SAFB: variants seen among roughly 807,000 people sequenced by gnomAD.
SAFB encodes scaffold attachment factor B.
Under a neutral mutation model 101.6 loss-of-function variants are expected in SAFB, and 15 were observed. That is an observed-to-expected ratio of 0.15 (90% CI 0.10 to 0.23). The LOEUF (loss-of-function observed/expected upper bound fraction) is 0.23, where lower values mean the gene tolerates loss of function less well. Ranked by LOEUF, SAFB falls within the 10% of genes least tolerant of loss-of-function variation. SAFB has a pLI of 1.00. For missense variants in SAFB, 930 were observed against 1,104.1 expected, an observed-to-expected ratio of 0.84 and a Z score of 2.23; for synonymous variants, 449 against 407.5, an observed-to-expected ratio of 1.10 and a Z score of -1.23.
chr19:5,667,579 C>A lies in SAFB; in HGVS notation c.2557+129C>A. The A allele has an allele frequency of 1.4e-6, 1 of 731,650 alleles. No homozygotes were observed. The allele number at this position is 731,650 out of a possible 1,614,324, so 45.3% of individuals were successfully genotyped here. Reference sequence around the variant, plus strand: ...CAGTGCTGGAATGAGGAATGAAGAGCACTCCAGACACCGCCTGCTCTCTGG... The same window carrying A: ...CAGTGCTGGAATGAGGAATGAAGAGAACTCCAGACACCGCCTGCTCTCTGG... On this transcript the variant is annotated intron_variant, in intron 19 of 20. Coordinates refer to ENST00000588852, the MANE Select transcript of SAFB (RefSeq NM_001201338.2). The surrounding 1 kb of genome is among the most constrained non-coding windows in gnomAD (Gnocchi z 4.0).
At position 5,661,210 on chromosome 19, in the gene SAFB, C is replaced by T. The variant is rs567349594; in HGVS notation, c.1863-308C>T. Among the ~76,000 whole-genome samples, 44 of 152,204 alleles carry T rather than the reference C, an allele frequency of 2.9e-4. 1 individual carries two copies. The highest frequency in any genetic ancestry group is 1.0e-3 in the African/African-American group (42 of 41,550). ...TGCTGGCATTACAGATGTGAGCCACCGCGCCCGGCCTGTTGCTTATTTTTG... is the reference window on the plus strand; with the variant it reads ...TGCTGGCATTACAGATGTGAGCCACTGCGCCCGGCCTGTTGCTTATTTTTG... On this transcript the variant is annotated intron_variant, in intron 14 of 20. Transcript: ENST00000588852.
rs75289952 is a variant in SAFB, at chr19:5,649,932, C to T, written c.1155C>T (p.Pro385=). ...CATTGTCTTTTGTCTCTAGTTCTCC[C>T]GAAGATGACTCGGATACAAAAAGGC... ...SEGADQKMSS[P]EDDSDTKRLS... The change falls in exon 8 of 21, where the codon CCC becomes CCT. Residue 385 remains proline, a synonymous_variant. Coordinates refer to ENST00000588852, the MANE Select transcript of SAFB (RefSeq NM_001201338.2). 6,375 of 1,613,702 alleles carry T rather than the reference C, an allele frequency of 4.0e-3. 198 individuals carry two copies. The highest frequency in any genetic ancestry group is 0.011 in the East Asian group (486 of 44,862).
At chr19:5,666,171 A>G (rs2002985) in intron 17 of SAFB, 17,314 of 152,276 alleles carry the variant, frequency 0.11, 1,095 homozygotes, top group African/African-American at 0.17. Context: ...GAAAGAGAAA[A>G]AACAGGACTG....
At chr19:5,626,097 A>T (rs759633293) in intron 1 of SAFB, among the ~76,000 whole-genome samples, 33 of 152,206 alleles carry the variant, frequency 2.2e-4, no homozygotes, top group Non-Finnish European at 4.9e-4. Context: ...CATGGCTAGT[A>T]GAGTCCTCAC....
intron 1 of SAFB, 58 bp downstream of exon 1, chr19:5,623,452 A>G (rs1188889617): frequency 6.8e-7 from 1 of 1,474,868 alleles, no homozygotes; most frequent in Non-Finnish European, 9.2e-7. Flanking sequence ...CTTGGCCGCG[A>G]CGGTGGCTCG....
chr19:5,624,234 T>C (rs1358626615), intron 1 of SAFB, among the ~76,000 whole-genome samples: 1 of 151,178 alleles, frequency 6.6e-6, no homozygotes. Flanking sequence ...TTTTTTTTTT[T>C]TTTTCTCCTG....
At chr19:5,652,562 C>T (rs777705287) in intron 9 of SAFB, among the ~76,000 whole-genome samples, 39 of 152,112 alleles carry the variant, frequency 2.6e-4, no homozygotes, top group Non-Finnish European at 3.5e-4. Context: ...CGTCAAAGGG[C>T]GACCCTAACT....
chr19:5,632,287 C>T (rs2053506091), intron 2 of SAFB, among the ~76,000 whole-genome samples: 1 of 152,060 alleles, frequency 6.6e-6, no homozygotes, highest in South Asian at 2.1e-4. Context: ...TCCCATATAC[C>T]CTTTACCCAG....
chr19:5,651,010 A>G lies in SAFB; in HGVS notation c.1231A>G (p.Ser411Gly), dbSNP rs1271528652. Residue 411 changes from serine (S) to glycine (G), a missense_variant, in exon 9 of 21, where the codon AGT (serine) becomes GGT (glycine). Ser to Gly is a moderately conservative substitution (Grantham distance 56, BLOSUM62 0). This residue lies in a region of SAFB where 68 missense variants were observed against 122.1 expected (regional missense o/e 0.56). Transcript: ENST00000588852. ...RSSCGRNFWV[S>G]GLSSTTRATD... ...CAGTTGTGGTAGAAATTTCTGGGTT[A>G]GTGGACTCTCTTCTACAACCAGAGC... The G allele has an allele frequency of 1.2e-6, 2 of 1,608,778 alleles. No homozygotes were observed. The highest frequency in any genetic ancestry group is 2.2e-5 in the East Asian group (1 of 44,688).
chr19:5,635,118 A>G (rs766306924), intron 2 of SAFB, among the ~76,000 whole-genome samples: 1 of 152,110 alleles, frequency 6.6e-6, no homozygotes, highest in Non-Finnish European at 1.5e-5. Context: ...AGCCTGGGCA[A>G]CAAGAGCGAA....
chr19:5,655,786 A>G (rs1279513288), intron 13 of SAFB, among the ~76,000 whole-genome samples: 1 of 152,226 alleles, frequency 6.6e-6, no homozygotes, highest in East Asian at 1.9e-4. Context: ...GAAAACGGAA[A>G]AAGGAAAGTG....
Position 5,624,856 on chromosome 19 carries a change from G to C in SAFB, c.189+1462G>C, listed in dbSNP as rs2053320134. Among the ~76,000 whole-genome samples the C allele has an allele frequency of 3.3e-5, 5 of 152,132 alleles. No homozygotes were observed. In the South Asian group the frequency reaches 1.0e-3, roughly 31 times the overall value. ...GCCCACTGATCTACATATTTACCCA[G>C]AGAAAATGCAGAGAGTGGAGATTGG... is the stretch of plus-strand genomic sequence containing the variant. On this transcript the variant is annotated intron_variant, in intron 1 of 20. Coordinates refer to ENST00000588852, the MANE Select transcript of SAFB (RefSeq NM_001201338.2).
Position 5,664,092 on chromosome 19 carries a change from C to T in SAFB, c.2224C>T (p.Arg742Cys), listed in dbSNP as rs1296218646. 6.8e-6 allele frequency: 11 copies of T among 1,614,046 alleles called. No individual in the cohort carries two copies. The highest frequency in any genetic ancestry group is 1.6e-4 in the Middle Eastern group (1 of 6,062). ...LDERYHSDFN[R>C]QDRFHDFDHR... ...TGAGCGCTACCATTCTGACTTTAAC[C>T]GCCAGGACCGCTTCCACGACTTTGA... The change falls in exon 16 of 21, where the codon CGC (arginine) becomes TGC (cysteine). Residue 742 changes from arginine to cysteine, a missense_variant. By Grantham distance (180) the Arg-to-Cys change is radical (BLOSUM62 -3). Around this residue, in one of 7 missense-constraint regions of SAFB, gnomAD observed 318 missense variants for 342.6 expected, o/e 0.93. Coordinates refer to ENST00000588852, the MANE Select transcript of SAFB (RefSeq NM_001201338.2).
chr19:5,643,853 ACT>A, intron 4 of SAFB, among the ~76,000 whole-genome samples: 1 of 139,668 alleles, frequency 7.2e-6, no homozygotes, highest in Non-Finnish European at 1.6e-5. Context: ...GCAGAGTGAG[ACT>A]CTCAAAAAAA....
chr19:5,667,016 T>C lies in SAFB; in HGVS notation c.2335-30T>C. ...GGTCTGGGCGCTGACACTGAAGCTT[T>C]TTTTTCCCTTCTGGCTCTGTGATGT... On this transcript the variant is annotated intron_variant, in intron 17 of 20. Coordinates refer to ENST00000588852, the MANE Select transcript of SAFB (RefSeq NM_001201338.2). The surrounding 1 kb of genome is among the most constrained non-coding windows in gnomAD (Gnocchi z 4.0). 1 of 1,436,666 alleles carries C rather than the reference T, an allele frequency of 7.0e-7. No homozygotes were observed. 89.0% of individuals were successfully genotyped at this position (1,436,666 alleles called of 1,614,324 possible).
chr19:5,650,244 G>C (rs137983719), intron 8 of SAFB, among the ~76,000 whole-genome samples: 125 of 152,270 alleles, frequency 8.2e-4, no homozygotes, highest in African/African-American at 2.7e-3. Context: ...CATTAACTGA[G>C]AAATAATTTT....
chr19:5,646,312 TGAG>T (rs1408476063), intron 5 of SAFB, among the ~76,000 whole-genome samples: 2 of 152,190 alleles, frequency 1.3e-5, no homozygotes, highest in East Asian at 1.9e-4. Flanking sequence ...GCTCCAACCT[TGAG>T]GAGGGCACAA....
Position 5,654,166 on chromosome 19 carries a change from T to A in SAFB, c.1632T>A (p.Pro544=), listed in dbSNP as rs1435357779. 6.2e-7 allele frequency: 1 copy of A among 1,614,180 alleles called. No individual in the cohort carries two copies. The highest frequency in any genetic ancestry group is 8.5e-7 in the Non-Finnish European group (1 of 1,180,030). ...GTAAGGACCAAGATGATCAGAAACC[T>A]GGCCCCTCAGAGCGATCTCGAGCCA... ...EKSKDQDDQK[P]GPSERSRATK... The change falls in exon 12 of 21, where the codon CCT becomes CCA. Residue 544 remains proline, a synonymous_variant. Coordinates refer to ENST00000588852, the MANE Select transcript of SAFB (RefSeq NM_001201338.2).
At chr19:5,639,996 C>G (rs912956499) in intron 2 of SAFB, among the ~76,000 whole-genome samples, 2 of 151,594 alleles carry the variant, frequency 1.3e-5, no homozygotes, top group Non-Finnish European at 2.9e-5. Flanking sequence ...CCCCACCACA[C>G]CTGGCTAATT....
Sources: allele counts gnomAD v4.1 joint callset (sites outside exome capture counted in the v4.1 genomes callset), GRCh38; gene constraint gnomAD v4.1.1; regional missense constraint gnomAD v4.1.1; non-coding constraint Gnocchi (gnomAD v3.1); transcripts MANE v1.5; gene names NCBI Gene and HGNC (gene_info 2026-07-23, HGNC 2026-07-21).